Variants in ZDHHC18 observed in about 807,000 individuals in gnomAD.
ZDHHC18 encodes the protein palmitoyltransferase ZDHHC18.
A neutral mutation model predicts 37.5 loss-of-function variants in ZDHHC18; 23 were observed. The observed-to-expected ratio is 0.61, with a 90% CI of 0.44 to 0.87. The LOEUF (loss-of-function observed/expected upper bound fraction) is 0.87, where lower values mean the gene tolerates loss of function less well. ZDHHC18 is among the 40% of genes least tolerant of loss of function. The pLI is 0.00. For missense variants in ZDHHC18, 406 were observed against 525.6 expected (o/e 0.77, Z 2.22); for synonymous variants, 185 against 218.7 (o/e 0.85, Z 1.36).
At chr1:26,837,367 A>G (rs1056846739) in intron 2 of ZDHHC18, among the ~76,000 whole-genome samples, 1 of 147,792 alleles carries the variant, frequency 6.8e-6, no homozygotes, top group South Asian at 2.1e-4. Context: ...TATGTATAAT[A>G]TACATTTTAC....
At chr1:26,846,427 C>T (rs1329570294) in intron 2 of ZDHHC18, among the ~76,000 whole-genome samples, 7 of 141,808 alleles carry the variant, frequency 4.9e-5, no homozygotes, top group African/African-American at 7.9e-5. Context: ...CCCGGGTTGA[C>T]GCCATTCTCC....
chr1:26,840,238 T>G (rs1358675685), intron 2 of ZDHHC18, among the ~76,000 whole-genome samples: 1 of 152,226 alleles, frequency 6.6e-6, no homozygotes, highest in Non-Finnish European at 1.5e-5. Context: ...GTGGCTGTCC[T>G]TCATTCACAG....
rs187717050 is a variant in ZDHHC18, at chr1:26,850,520, C to T, written c.785-38C>T. ...GTCAGCAAGCTTCAGCAGTCACTGT[C>T]CCTCTGAGCTTGTCCTCTCCTGTTT... On this transcript the variant is annotated intron_variant, in intron 4 of 7. Transcript: ENST00000374142. This position sits in a 1 kb window ranked among gnomAD's most constrained non-coding sequence, Gnocchi z 6.1. 2.5e-6 allele frequency: 4 copies of T among 1,614,214 alleles called. No homozygotes were observed. In the Admixed American group the frequency reaches 5.0e-5, roughly 20 times the overall value.
intron 2 of ZDHHC18, among the ~76,000 whole-genome samples, chr1:26,846,975 AAGCTCC>A (rs2081671679): frequency 6.6e-6 from 1 of 151,646 alleles, no homozygotes. Flanking sequence ...GGCTCACTGC[AAGCTCC>A]GCCTCCCGGG....
At chr1:26,830,963 A>G (rs920284916) in intron 1 of ZDHHC18, among the ~76,000 whole-genome samples, 1 of 152,026 alleles carries the variant, frequency 6.6e-6, no homozygotes, top group Non-Finnish European at 1.5e-5. Flanking sequence ...TTCTGTTTTT[A>G]TTAGAGATGG....
chr1:26,837,338 ATATAT>A, intron 2 of ZDHHC18, among the ~76,000 whole-genome samples: 1 of 147,580 alleles, frequency 6.8e-6, no homozygotes, highest in South Asian at 2.1e-4. Context: ...AATATGTATA[ATATAT>A]TTAACATATT....
At chr1:26,847,290 C>T (rs532594335) in intron 2 of ZDHHC18, among the ~76,000 whole-genome samples, 1 of 152,292 alleles carries the variant, frequency 6.6e-6, no homozygotes, top group South Asian at 2.1e-4. Flanking sequence ...ATGCTCACTG[C>T]AGCCTGGAAC....
intron 2 of ZDHHC18, among the ~76,000 whole-genome samples, chr1:26,844,604 T>C (rs1230838253): frequency 6.6e-6 from 1 of 152,220 alleles, no homozygotes; most frequent in Non-Finnish European, 1.5e-5. Flanking sequence ...CGTGCATATG[T>C]TCAGCTTGGG....
chr1:26,845,023 T>G (rs1049003759), intron 2 of ZDHHC18, among the ~76,000 whole-genome samples: 1 of 151,452 alleles, frequency 6.6e-6, no homozygotes, highest in Non-Finnish European at 1.5e-5. Context: ...TGAGTTCAAG[T>G]GATTCTCCTG....
intron 2 of ZDHHC18, among the ~76,000 whole-genome samples, chr1:26,839,176 T>G (rs2081626758): frequency 6.6e-6 from 1 of 152,256 alleles, no homozygotes; most frequent in South Asian, 2.1e-4. Flanking sequence ...CGAGTAGCCT[T>G]GCTTTTCGTC....
chr1:26,846,290 G>A (rs11581728), intron 2 of ZDHHC18, among the ~76,000 whole-genome samples: 16,971 of 48,144 alleles, frequency 0.35, 4,738 homozygotes, highest in East Asian at 0.92. Flanking sequence ...GTGTGTGTGT[G>A]TATATATATA....
At position 26,850,330 on chromosome 1, in the gene ZDHHC18, G is replaced by A; in HGVS notation, c.676G>A (p.Gly226Ser). 1 of 1,614,216 alleles carries A rather than the reference G, an allele frequency of 6.2e-7. No homozygotes were observed. The highest frequency in any genetic ancestry group is 1.3e-5 in the African/African-American group (1 of 75,056). ...ATTTGACCATCACTGCCCCTGGGTG[G>A]GCAACTGTGTGGGGAGACGGAACTA... ...ERFDHHCPWV[G>S]NCVGRRNYRF... Residue 226 changes from glycine to serine, a missense_variant, in exon 4 of 8, where the codon GGC becomes AGC. Transcript: ENST00000374142. The surrounding 1 kb of genome is among the most constrained non-coding windows in gnomAD (Gnocchi z 6.1).
rs45596631 is a variant in ZDHHC18, at chr1:26,854,999, C to A, written c.*1156C>A. The A allele has an allele frequency of 8.7e-3, 1,320 of 152,422 alleles. 10 individuals are homozygous for A. The highest frequency in any genetic ancestry group is 0.017 in the Middle Eastern group (5 of 294). The allele number at this position is 152,422 out of a possible 1,614,324, so 9.4% of individuals were successfully genotyped here. ...GCACTGGTCACGAGAAAACCCTGGG[C>A]TCCCACTGGGGCTCAGCCCAGCCTC... On this transcript the variant is annotated 3_prime_UTR_variant, in exon 8 of 8. Coordinates refer to ENST00000374142, the MANE Select transcript of ZDHHC18 (RefSeq NM_032283.3). This position sits in a 1 kb window ranked among gnomAD's most constrained non-coding sequence, Gnocchi z 4.6.
intron 2 of ZDHHC18, among the ~76,000 whole-genome samples, chr1:26,836,693 C>T (rs1485723985): frequency 1.3e-5 from 2 of 150,634 alleles, no homozygotes; most frequent in Middle Eastern, 3.4e-3. Flanking sequence ...CTCAGCCTCC[C>T]GAGTAGCTGG....
intron 1 of ZDHHC18, among the ~76,000 whole-genome samples, chr1:26,827,577 C>G (rs1468285648): frequency 1.3e-5 from 2 of 152,062 alleles, no homozygotes; most frequent in Admixed American, 1.3e-4. Context: ...TTCTTTCTGA[C>G]CCTTGTATCC....
At chr1:26,844,303 T>G (rs1455733234) in intron 2 of ZDHHC18, among the ~76,000 whole-genome samples, 3 of 152,182 alleles carry the variant, frequency 2.0e-5, no homozygotes, top group Non-Finnish European at 2.9e-5. Context: ...CCTCCCAAAG[T>G]TCTGGGATTA....
At chr1:26,846,421 G>A (rs1331071244) in intron 2 of ZDHHC18, among the ~76,000 whole-genome samples, 3 of 140,766 alleles carry the variant, frequency 2.1e-5, no homozygotes, top group Non-Finnish European at 3.0e-5. Context: ...CTGCCTCCCG[G>A]GTTGACGCCA....
At chr1:26,827,165 C>G (rs1324036762) in intron 1 of ZDHHC18, 26 bp downstream of exon 1, 24 of 1,352,482 alleles carry the variant, frequency 1.8e-5, no homozygotes, top group East Asian at 3.0e-5. Context: ...TCGGCGCCCC[C>G]TCCCAGCCCC....
chr1:26,854,157 T>C lies in ZDHHC18; in HGVS notation c.*314T>C. ...CGGGCGAGCCCTGTGTGAGTGAGGC[T>C]GTGAACTGAGCGTGAGGCCTCCCAG... On this transcript the variant is annotated 3_prime_UTR_variant, in exon 8 of 8. Coordinates refer to ENST00000374142, the MANE Select transcript of ZDHHC18 (RefSeq NM_032283.3). The surrounding 1 kb of genome is among the most constrained non-coding windows in gnomAD (Gnocchi z 4.6). The C allele has an allele frequency of 3.3e-6, 1 of 304,400 alleles. No homozygotes were observed. Among genetic ancestry groups the C allele is most frequent in the South Asian group, 4.6e-5 (1 of 21,848 alleles). The allele number at this position is 304,400 out of a possible 1,614,324, so 18.9% of individuals were successfully genotyped here. A position where few individuals can be genotyped will look rare whatever the true frequency, so the allele number is the denominator to read the frequency against.
Sources: gnomAD v4.1 joint callset for allele counts (sites outside exome capture counted in the v4.1 genomes callset) on GRCh38, gnomAD v4.1.1 for gene constraint, Gnocchi (gnomAD v3.1) non-coding constraint, MANE v1.5 for transcripts, NCBI Gene and HGNC (gene_info 2026-07-23, HGNC 2026-07-21) for gene names.